Variants in AGPS observed in about 807,000 individuals in gnomAD.
AGPS encodes alkyldihydroxyacetonephosphate synthase, peroxisomal.
In AGPS, 26 loss-of-function variants were observed where a neutral mutation model predicts 90.7. The observed-to-expected ratio is 0.29, with a 90% CI of 0.21 to 0.40. The LOEUF (loss-of-function observed/expected upper bound fraction) is 0.40, where lower values mean the gene tolerates loss of function less well. Among genes scored for constraint, AGPS ranks in the 10% least tolerant of loss-of-function variants. The pLI is 1.00. For synonymous variants in AGPS, 294 were observed against 285.3 expected (o/e 1.03, Z -0.31); for missense variants, 540 against 816.1 (o/e 0.66, Z 4.12).
At chr2:177,503,230 TTGTTTA>T (rs1269542783) in intron 14 of AGPS, among the ~76,000 whole-genome samples, 1 of 152,200 alleles carries the variant, frequency 6.6e-6, no homozygotes. Context: ...CATACTTTGA[TTGTTTA>T]TCCATGTTTG....
intron 18 of AGPS, 90 bp downstream of exon 18, chr2:177,521,458 CT>C: frequency 9.3e-7 from 1 of 1,078,062 alleles, no homozygotes; most frequent in South Asian, 1.3e-5. Context: ...AGTTGAGTCT[CT>C]TTAATCACAC....
At chr2:177,444,520 C>T (rs1307705362) in intron 7 of AGPS, among the ~76,000 whole-genome samples, 3 of 151,620 alleles carry the variant, frequency 2.0e-5, no homozygotes, top group Non-Finnish European at 2.9e-5. Flanking sequence ...AGTGCATTCA[C>T]ATACATCATC....
In AGPS at chr2:177,426,224, A is replaced by G. The variant is rs138801759; in HGVS notation, c.350+5866A>G. Among the ~76,000 whole-genome samples, 613 of 152,144 alleles carry G rather than the reference A, an allele frequency of 4.0e-3. 5 individuals are homozygous for G. The highest frequency in any genetic ancestry group is 0.032 in the East Asian group (168 of 5,184). On this transcript the variant is annotated intron_variant, in intron 2 of 19. Coordinates refer to ENST00000264167, the MANE Select transcript of AGPS (RefSeq NM_003659.4). ...TTGTTGGTGTATAGGAATACTAGTGATTTTTGCACATTGATTTTGTATCCT... is the reference window on the plus strand; with the variant it reads ...TTGTTGGTGTATAGGAATACTAGTGGTTTTTGCACATTGATTTTGTATCCT...
At chr2:177,450,887 A>G (rs1233870810) in intron 8 of AGPS, among the ~76,000 whole-genome samples, 1 of 122,270 alleles carries the variant, frequency 8.2e-6, no homozygotes, top group Admixed American at 8.6e-5. Context: ...ACCCATGAAC[A>G]TGGTATATCT....
intron 11 of AGPS, among the ~76,000 whole-genome samples, chr2:177,484,735 A>G (rs1688045350): frequency 1.3e-5 from 2 of 151,790 alleles, no homozygotes; most frequent in African/African-American, 4.8e-5. Flanking sequence ...ATTGCCTCTA[A>G]TTTTATGAAA....
At chr2:177,459,140 C>G (rs1164254798) in intron 8 of AGPS, among the ~76,000 whole-genome samples, 1 of 152,084 alleles carries the variant, frequency 6.6e-6, no homozygotes, top group African/African-American at 2.4e-5. Flanking sequence ...GAAACTGGAC[C>G]CCTTCCTTAC....
chr2:177,494,518 T>C (rs2105706763), intron 12 of AGPS, among the ~76,000 whole-genome samples: 1 of 152,332 alleles, frequency 6.6e-6, no homozygotes, highest in East Asian at 1.9e-4. Flanking sequence ...ATGTTATTGT[T>C]GTTGTAAACA....
At position 177,450,462 on chromosome 2, in the gene AGPS, T is replaced by C. The variant is rs147339210; in HGVS notation, c.870+4836T>C. Among the ~76,000 whole-genome samples the C allele has an allele frequency of 3.3e-4, 51 of 152,346 alleles. 2 individuals are homozygous for C. In the East Asian group the frequency reaches 9.3e-3, roughly 28 times the overall value. ...TCAGTTTTGAAGATTTCTGAGTTAT[T>C]ATTTGTATATGGTATAAAATTGGAT... On this transcript the variant is annotated intron_variant, in intron 8 of 19. Transcript: ENST00000264167.
At chr2:177,503,474 C>T (rs1688619690) in intron 14 of AGPS, among the ~76,000 whole-genome samples, 1 of 152,164 alleles carries the variant, frequency 6.6e-6, no homozygotes, top group South Asian at 2.1e-4. Context: ...ATTAGTCTTT[C>T]CAGTCCTTCC....
intron 1 of AGPS, among the ~76,000 whole-genome samples, chr2:177,415,663 C>T (rs1369222255): frequency 6.6e-6 from 1 of 152,124 alleles, no homozygotes; most frequent in African/African-American, 2.4e-5. Context: ...CAGATTATAC[C>T]TTGTTGACCC....
intron 4 of AGPS, 27 bp from the exon 5 acceptor site, chr2:177,436,952 GT>G (rs765518497): frequency 3.4e-5 from 54 of 1,611,862 alleles, no homozygotes; most frequent in Non-Finnish European, 4.2e-5. Flanking sequence ...CTGTTTTTGT[GT>G]TTTTCTTTTT....
At chr2:177,531,990 A>G (rs532923531) in intron 19 of AGPS, among the ~76,000 whole-genome samples, 7 of 152,312 alleles carry the variant, frequency 4.6e-5, no homozygotes, top group African/African-American at 1.7e-4. Context: ...CAAAATGAAT[A>G]ATGAACTTAA....
chr2:177,532,762 G>A (rs2079149637), intron 19 of AGPS, among the ~76,000 whole-genome samples: 1 of 152,068 alleles, frequency 6.6e-6, no homozygotes, highest in African/African-American at 2.4e-5. Flanking sequence ...ACATACTGTG[G>A]TACATCCATA....
Position 177,420,331 on chromosome 2 carries a change from AG to A in AGPS, c.326del (p.Gly109AlafsTer5). ...YNDSKFIFNK[K>X]GQIELTGKRY... ...GATTCTAAATTCATCTTCAATAAGA[AG>A]GGCCAAATTGAATTGACTGGGAAAA... On this transcript the variant is annotated frameshift_variant, in exon 2 of 20. Transcript: ENST00000264167. LOFTEE classifies it high-confidence loss of function. 1.2e-6 allele frequency: 2 copies of A among 1,609,882 alleles called. No homozygotes were observed. The highest frequency in any genetic ancestry group is 1.7e-6 in the Non-Finnish European group (2 of 1,176,654).
At chr2:177,393,134 G>A (rs1037845706) in intron 1 of AGPS, 85 bp downstream of exon 1, 70 of 1,549,614 alleles carry the variant, frequency 4.5e-5, no homozygotes, top group Non-Finnish European at 6.0e-5. Flanking sequence ...GGTGGGAAGG[G>A]AAGTGACACG....
At chr2:177,444,880 A>G (rs951048661) in intron 7 of AGPS, among the ~76,000 whole-genome samples, 1 of 152,196 alleles carries the variant, frequency 6.6e-6, no homozygotes, top group African/African-American at 2.4e-5. Context: ...GCCAAATAAC[A>G]TTTTTTATTG....
In AGPS at chr2:177,513,834, T is replaced by C. The variant is rs770376852; in HGVS notation, c.1623T>C (p.Cys541=). The change falls in exon 17 of 20, where the codon TGT becomes TGC. Residue 541 remains cysteine, a synonymous_variant. Transcript: ENST00000264167. ...CTTTTTTTAGGGTGGTAGATCTCTGTAGAAATGTAAAAGAAAGAATAACAA... is the reference window on the plus strand; with the variant it reads ...CTTTTTTTAGGGTGGTAGATCTCTGCAGAAATGTAAAAGAAAGAATAACAA... ...SAPWDRVVDL[C]RNVKERITRE... is the part of the protein sequence containing the mutation. The C allele has an allele frequency of 6.2e-7, 1 of 1,612,518 alleles. No homozygotes were observed. The highest frequency in any genetic ancestry group is 1.3e-5 in the African/African-American group (1 of 74,828).
chr2:177,417,666 G>T (rs762544826), intron 1 of AGPS, among the ~76,000 whole-genome samples: 33 of 152,190 alleles, frequency 2.2e-4, no homozygotes, highest in Non-Finnish European at 5.9e-5. Context: ...GACCAGGGAT[G>T]CTTCTCTGGG....
chr2:177,443,448 T>G (rs563247030), intron 7 of AGPS, among the ~76,000 whole-genome samples: 36 of 152,242 alleles, frequency 2.4e-4, no homozygotes, highest in Non-Finnish European at 4.6e-4. Context: ...TATCTGTTGC[T>G]GCTTCTTGTC....
Sources: gnomAD v4.1 joint callset for allele counts (sites outside exome capture counted in the v4.1 genomes callset) on GRCh38, gnomAD v4.1.1 for gene constraint, MANE v1.5 for transcripts, NCBI Gene and HGNC (gene_info 2026-07-23, HGNC 2026-07-21) for gene names.